IL22RA1: variants seen among roughly 807,000 people sequenced by gnomAD.
The protein encoded by IL22RA1 is interleukin-22 receptor subunit alpha-1.
IL22RA1 carries 25 observed loss-of-function variants against 32.8 expected under a neutral mutation model. The ratio of observed to expected loss-of-function variants is 0.76; its 90% CI spans 0.55 to 1.06. The LOEUF is 1.06. Ranked by LOEUF, IL22RA1 falls within the 50% of genes least tolerant of loss-of-function variation. The probability of loss-of-function intolerance (pLI) is 0.00; values close to 1 mark genes in which losing one functional copy is unlikely to be tolerated. For synonymous variants in IL22RA1, 305 were observed against 305.0 expected (o/e 1.00, Z 0.00); for missense variants, 709 against 727.4 (o/e 0.97, Z 0.29).
intron 2 of IL22RA1, among the ~76,000 whole-genome samples, 199 bp from the exon 3 acceptor site, chr1:24,137,508 C>T (rs1453787807): frequency 7.1e-6 from 1 of 140,928 alleles, no homozygotes; most frequent in Non-Finnish European, 1.5e-5. Context: ...TTCTTTATTC[C>T]TTCCTTTCTT....
chr1:24,142,549 T>A (rs1417399035), intron 1 of IL22RA1, among the ~76,000 whole-genome samples: 1 of 152,144 alleles, frequency 6.6e-6, no homozygotes, highest in African/African-American at 2.4e-5. Flanking sequence ...AGATCTATGA[T>A]AACAAAAGGG....
chr1:24,122,436 A>G (rs895240665), intron 6 of IL22RA1, among the ~76,000 whole-genome samples: 1 of 152,182 alleles, frequency 6.6e-6, no homozygotes, highest in Non-Finnish European at 1.5e-5. Context: ...CACTTGCTAC[A>G]GCAATTCTAA....
intron 5 of IL22RA1, among the ~76,000 whole-genome samples, chr1:24,124,089 G>T (rs1285847546): frequency 6.6e-6 from 1 of 152,184 alleles, no homozygotes; most frequent in Non-Finnish European, 1.5e-5. Context: ...AGATGGATCT[G>T]CCCCCTTTGT....
intron 1 of IL22RA1, among the ~76,000 whole-genome samples, chr1:24,139,470 G>A (rs1436980922): frequency 6.6e-6 from 1 of 152,156 alleles, no homozygotes; most frequent in African/African-American, 2.4e-5. Flanking sequence ...AATTTGGTAG[G>A]TTATATAGTA....
chr1:24,126,691 A>G (rs1202200722), intron 5 of IL22RA1, among the ~76,000 whole-genome samples: 1 of 152,192 alleles, frequency 6.6e-6, no homozygotes, highest in Non-Finnish European at 1.5e-5. Context: ...TAAAGTGGAG[A>G]CTGTTTTACC....
Position 24,120,644 on chromosome 1 carries a change from C to G in IL22RA1, c.*161G>C, listed in dbSNP as rs1570898516. On this transcript the variant is annotated 3_prime_UTR_variant, in exon 7 of 7. Transcript: ENST00000270800. ...TGCTTTGCTCCGGTGAGGAGCGCAC[C>G]CATGGCAGGGGCCCTGCATGCCACT... The G allele has an allele frequency of 8.9e-6, 6 of 674,378 alleles. No individual in the cohort carries two copies. The East Asian group carries it at 1.6e-4, about 18-fold the overall frequency. The allele number at this position is 674,378 out of a possible 1,614,324, so 41.8% of individuals were successfully genotyped here. A position where few individuals can be genotyped will look rare whatever the true frequency, so the allele number is the denominator to read the frequency against.
chr1:24,132,531 A>G (rs1310507320), intron 4 of IL22RA1, among the ~76,000 whole-genome samples: 1 of 151,382 alleles, frequency 6.6e-6, no homozygotes, highest in East Asian at 2.0e-4. Context: ...ACAGGGTTTC[A>G]CCGTGTTAGC....
chr1:24,135,915 T>C (rs1306539646), intron 3 of IL22RA1, among the ~76,000 whole-genome samples: 4 of 152,328 alleles, frequency 2.6e-5, no homozygotes, highest in African/African-American at 7.2e-5. Context: ...GGCCAAACCA[T>C]ATCAGCAACT....
Position 24,121,689 on chromosome 1 carries a change from G to A in IL22RA1, c.841C>T (p.His281Tyr). 1 of 1,582,676 alleles carries A rather than the reference G, an allele frequency of 6.3e-7. No individual in the cohort carries two copies. The highest frequency in any genetic ancestry group is 8.6e-7 in the Non-Finnish European group (1 of 1,161,826). Residue 281 changes from histidine (H) to tyrosine (Y), a missense_variant, in exon 7 of 7, where the codon CAC becomes TAC. Coordinates refer to ENST00000270800, the MANE Select transcript of IL22RA1 (RefSeq NM_021258.4). Reference sequence around the variant, plus strand: ...AGGTCAAAGACAGGGATCAGGACGTGCTCCTGGATGAAGCGCAGCGGCTGG... The same window carrying A: ...AGGTCAAAGACAGGGATCAGGACGTACTCCTGGATGAAGCGCAGCGGCTGG... The part of the protein sequence containing the change: ...TFQPLRFIQE[H>Y]VLIPVFDLSG...
intron 1 of IL22RA1, among the ~76,000 whole-genome samples, chr1:24,141,723 C>G (rs1049283816): frequency 8.5e-5 from 13 of 152,182 alleles, no homozygotes; most frequent in Non-Finnish European, 1.8e-4. Context: ...ATTCCTCAGC[C>G]TGTGTTGCTT....
At chr1:24,134,091 T>C (rs912346804) in intron 4 of IL22RA1, 120 bp downstream of exon 4, 7 of 744,886 alleles carry the variant, frequency 9.4e-6, no homozygotes, top group Non-Finnish European at 1.5e-5. Context: ...TCAAGGGACA[T>C]GTTTTGGGAA....
intron 3 of IL22RA1, 74 bp from the exon 4 acceptor site, chr1:24,134,460 A>G (rs961501061): frequency 3.5e-6 from 4 of 1,153,922 alleles, no homozygotes; most frequent in Non-Finnish European, 4.6e-6. Context: ...AACCTTGGAC[A>G]GTGGAAAATG....
At chr1:24,137,836 A>ACAAAGAAGATGAGGCT (rs1553160420) in intron 2 of IL22RA1, among the ~76,000 whole-genome samples, 1 of 152,072 alleles carries the variant, frequency 6.6e-6, no homozygotes, top group Non-Finnish European at 1.5e-5. Context: ...TATTTTTCAA[A>ACAAAGAAGATGAGGCT]CAAAGAAGAT....
At chr1:24,131,687 A>T (rs375215567) in intron 4 of IL22RA1, among the ~76,000 whole-genome samples, 4 of 152,388 alleles carry the variant, frequency 2.6e-5, no homozygotes, top group Admixed American at 6.5e-5. Context: ...ACTATTTTCA[A>T]CAATTAAACG....
chr1:24,121,425 T>C lies in IL22RA1; in HGVS notation c.1105A>G (p.Thr369Ala), dbSNP rs1216482822. The change falls in exon 7 of 7, where the codon ACC becomes GCC. Residue 369 changes from threonine to alanine, a missense_variant. Thr to Ala is a moderately conservative substitution (Grantham distance 58, BLOSUM62 0). Transcript: ENST00000270800. ...TAGAATGGGAATTGAGCTTCGGGGG[T>C]CACCTGAGGTGCATAGGATGGGGGC... Reference protein sequence around the residue: ...VGPPSYAPQVTPEAQFPFYAP... With the variant: ...VGPPSYAPQVAPEAQFPFYAP... 3 of 1,547,476 alleles carry C rather than the reference T, an allele frequency of 1.9e-6. No individual in the cohort carries two copies. Among genetic ancestry groups the C allele is most frequent in the Non-Finnish European group, 1.7e-6 (2 of 1,145,312 alleles).
intron 3 of IL22RA1, among the ~76,000 whole-genome samples, chr1:24,135,221 G>A (rs1276017095): frequency 6.6e-6 from 1 of 152,148 alleles, no homozygotes; most frequent in East Asian, 1.9e-4. Flanking sequence ...AATGATATGG[G>A]TAAATGTTCA....
chr1:24,128,066 G>A (rs1376975604), intron 5 of IL22RA1, 75 bp downstream of exon 5: 5 of 1,420,686 alleles, frequency 3.5e-6, no homozygotes, highest in Non-Finnish European at 4.7e-6. Flanking sequence ...TCTCACCTTG[G>A]TTACAGGGAG....
At chr1:24,131,614 G>A (rs1185524150) in intron 4 of IL22RA1, among the ~76,000 whole-genome samples, 2 of 152,064 alleles carry the variant, frequency 1.3e-5, no homozygotes, top group Non-Finnish European at 2.9e-5. Context: ...CAAAATGCAC[G>A]AAGCAAAAAT....
At chr1:24,133,400 T>TATAA (rs1412776103) in intron 4 of IL22RA1, among the ~76,000 whole-genome samples, 2 of 152,088 alleles carry the variant, frequency 1.3e-5, no homozygotes, top group East Asian at 3.9e-4. Flanking sequence ...CCCCCTAGAT[T>TATAA]ATAAGCTCCT....
Sources: allele counts gnomAD v4.1 joint callset (sites outside exome capture counted in the v4.1 genomes callset), GRCh38; gene constraint gnomAD v4.1.1; transcripts MANE v1.5; gene names NCBI Gene and HGNC (gene_info 2026-07-23, HGNC 2026-07-21).